LGSN: variants seen among roughly 807,000 people sequenced by gnomAD.
The protein encoded by LGSN is lengsin, lens protein with glutamine synthetase domain, also known as lengsin.
Under a neutral mutation model 19.5 loss-of-function variants are expected in LGSN, and 21 were observed. The observed-to-expected ratio is 1.07, with a 90% CI of 0.76 to 1.55. LGSN has a LOEUF of 1.55. Ranked by LOEUF, LGSN falls within the 40% of genes most tolerant of loss-of-function variation. The pLI, the probability that LGSN is intolerant of heterozygous loss-of-function variation, is 0.00. For synonymous variants in LGSN, 257 were observed against 215.6 expected (o/e 1.19, Z -1.68); for missense variants, 673 against 608.5 (o/e 1.11, Z -1.12).
At chr6:63,293,662 C>G (rs538132982) in intron 2 of LGSN, 4 of 447,638 alleles carry the variant, frequency 8.9e-6, no homozygotes, top group African/African-American at 8.0e-5. Flanking sequence ...ACCAGTAAAT[C>G]CTTACCAGAG....
the LGSN span, chr6:63,549,540 G>A: frequency 1.6e-6 from 1 of 631,838 alleles, no homozygotes; most frequent in Non-Finnish European, 2.8e-6. Context: ...TATTTTTAAA[G>A]GTGATAAATG....
At chr6:63,456,373 A>ACTTTTTTT in the LGSN span, among the ~76,000 whole-genome samples, 1 of 42,580 alleles carries the variant, frequency 2.3e-5, no homozygotes, top group Non-Finnish European at 6.7e-5. Context: ...ATATATATAT[A>ACTTTTTTT]TATATATATA....
At chr6:63,292,977 T>A (rs1220826038) in intron 2 of LGSN, among the ~76,000 whole-genome samples, 1 of 152,166 alleles carries the variant, frequency 6.6e-6, no homozygotes, top group Non-Finnish European at 1.5e-5. Flanking sequence ...AAATCTTGTA[T>A]GTTTAACCCT....
chr6:63,464,058 C>T, the LGSN span, among the ~76,000 whole-genome samples: 31 of 151,590 alleles, frequency 2.0e-4, no homozygotes, highest in African/African-American at 7.6e-4. Context: ...TGACAATGAA[C>T]CGATCATTAC....
chr6:63,554,326 T>G, the LGSN span, among the ~76,000 whole-genome samples: 2 of 152,236 alleles, frequency 1.3e-5, no homozygotes, highest in Non-Finnish European at 2.9e-5. Context: ...ATCATAATAC[T>G]GGGAGTATCT....
chr6:63,493,446 C>T, the LGSN span, among the ~76,000 whole-genome samples: 1 of 151,862 alleles, frequency 6.6e-6, no homozygotes, highest in Admixed American at 6.6e-5. Context: ...TAGATTTCAA[C>T]TCCAACAGTT....
chr6:63,283,943 G>A (rs1411692445), intron 3 of LGSN, among the ~76,000 whole-genome samples: 25 of 151,984 alleles, frequency 1.6e-4, no homozygotes, highest in Non-Finnish European at 2.8e-4. Context: ...CAGGTGATCC[G>A]TCGGCCTCAG....
At chr6:63,340,625 T>TA in the LGSN span, among the ~76,000 whole-genome samples, 4 of 151,928 alleles carry the variant, frequency 2.6e-5, no homozygotes, top group Non-Finnish European at 5.9e-5. Context: ...CTTTTTTTTT[T>TA]AATGATATCT....
chr6:63,501,482 T>C, the LGSN span, among the ~76,000 whole-genome samples: 2 of 151,602 alleles, frequency 1.3e-5, no homozygotes, highest in Non-Finnish European at 2.9e-5. Context: ...AAGCAACAAA[T>C]AAATATGCTA....
chr6:63,350,112 T>G, the LGSN span, among the ~76,000 whole-genome samples: 1 of 152,222 alleles, frequency 6.6e-6, no homozygotes, highest in African/African-American at 2.4e-5. Context: ...GCAGAAGTAA[T>G]TAGCAAAAAC....
the LGSN span, among the ~76,000 whole-genome samples, chr6:63,330,075 G>A: frequency 6.6e-6 from 1 of 152,244 alleles, no homozygotes; most frequent in East Asian, 1.9e-4. Flanking sequence ...CAGTCCTGTT[G>A]TTGGATCATC....
chr6:63,312,776 C>G (rs747496125), intron 1 of LGSN, among the ~76,000 whole-genome samples: 7 of 152,122 alleles, frequency 4.6e-5, no homozygotes, highest in Admixed American at 2.6e-4. Flanking sequence ...GAGAAGCGGG[C>G]GAAATGAGCA....
At chr6:63,497,452 G>C in the LGSN span, among the ~76,000 whole-genome samples, 1 of 152,104 alleles carries the variant, frequency 6.6e-6, no homozygotes, top group Non-Finnish European at 1.5e-5. Flanking sequence ...AGGAGGCTGA[G>C]TGAGGCAGGA....
At chr6:63,489,295 T>C in the LGSN span, among the ~76,000 whole-genome samples, 1 of 152,250 alleles carries the variant, frequency 6.6e-6, no homozygotes, top group Admixed American at 6.5e-5. Context: ...AAATTTCTGC[T>C]GGAAGTATAT....
the LGSN span, among the ~76,000 whole-genome samples, chr6:63,418,967 C>A: frequency 6.6e-6 from 1 of 152,180 alleles, no homozygotes; most frequent in Non-Finnish European, 1.5e-5. Flanking sequence ...ATGAAGCAAC[C>A]TTCCTTTCCC....
the LGSN span, chr6:63,549,456 G>A: frequency 2.9e-5 from 23 of 794,164 alleles, 1 homozygote; most frequent in South Asian, 1.2e-4. Flanking sequence ...GCTTCTTCAC[G>A]ACAGCAGGGC....
chr6:63,396,462 T>C, the LGSN span: 1 of 171,752 alleles, frequency 5.8e-6, no homozygotes, highest in Non-Finnish European at 1.3e-5. Flanking sequence ...CCCTCATCCT[T>C]AGGGCTCAGA....
chr6:63,302,077 G>T (rs901599007), intron 1 of LGSN, among the ~76,000 whole-genome samples: 8 of 151,872 alleles, frequency 5.3e-5, no homozygotes, highest in Non-Finnish European at 7.4e-5. Flanking sequence ...CAATAAATAG[G>T]CTTATTTGAT....
chr6:63,430,361 A>G, the LGSN span, among the ~76,000 whole-genome samples: 2 of 152,042 alleles, frequency 1.3e-5, no homozygotes, highest in African/African-American at 4.8e-5. Flanking sequence ...CCACATCTCC[A>G]TAAGTGGATT....
Sources: allele counts gnomAD v4.1 joint callset (sites outside exome capture counted in the v4.1 genomes callset), GRCh38; gene constraint gnomAD v4.1.1; transcripts MANE v1.5; gene names NCBI Gene and HGNC (gene_info 2026-07-23, HGNC 2026-07-21).